Variants in EYS observed in about 807,000 individuals in gnomAD.
The protein encoded by EYS is EGF-like photoreceptor maintenance factor, also known as protein eyes shut homolog.
Under a neutral mutation model 282.1 loss-of-function variants are expected in EYS, and 250 were observed. The observed-to-expected ratio is 0.89, with a 90% CI of 0.80 to 0.98. The LOEUF is 0.98. Ranked by LOEUF, EYS falls within the 50% of genes least tolerant of loss-of-function variation. The pLI, the probability that EYS is intolerant of heterozygous loss-of-function variation, is 0.00. For missense variants in EYS, 4,016 were observed against 3,709.0 expected (o/e 1.08, Z -2.15); for synonymous variants, 1,355 against 1,282.9 (o/e 1.06, Z -1.20).
intron 22 of EYS, among the ~76,000 whole-genome samples, chr6:64,687,558 C>T (rs1009985948): frequency 6.6e-6 from 1 of 152,164 alleles, no homozygotes; most frequent in Non-Finnish European, 1.5e-5. Context: ...CCTTACATCC[C>T]AGGGATGAAG....
At chr6:63,803,514 G>A (rs1388885435) in intron 37 of EYS, among the ~76,000 whole-genome samples, 1 of 152,162 alleles carries the variant, frequency 6.6e-6, no homozygotes, top group African/African-American at 2.4e-5. Context: ...ATGCAGAACA[G>A]GCTGTCCATG....
chr6:64,112,584 T>C (rs1439123037), intron 31 of EYS, among the ~76,000 whole-genome samples: 1 of 151,762 alleles, frequency 6.6e-6, no homozygotes, highest in Non-Finnish European at 1.5e-5. Context: ...ACATTATACA[T>C]TGACAACCAG....
intron 12 of EYS, among the ~76,000 whole-genome samples, chr6:65,261,884 A>G (rs1406113618): frequency 6.6e-6 from 1 of 152,068 alleles, no homozygotes. Context: ...AGCTGTTCTG[A>G]AAGCACCACG....
chr6:64,070,984 C>T (rs1771552462), intron 32 of EYS, among the ~76,000 whole-genome samples: 2 of 151,972 alleles, frequency 1.3e-5, no homozygotes, highest in African/African-American at 4.8e-5. Context: ...TGGATACACT[C>T]GGAGTATCCC....
intron 35 of EYS, among the ~76,000 whole-genome samples, chr6:63,936,243 C>T (rs1481047110): frequency 1.3e-5 from 2 of 152,180 alleles, no homozygotes; most frequent in Admixed American, 6.5e-5. Context: ...AACCTGGATC[C>T]TGATTGCTGG....
chr6:64,392,218 G>A lies in EYS; in HGVS notation c.5928-3378C>T, dbSNP rs570494096. Reference sequence around the variant, plus strand: ...CACTGTCAACATTAGACAGATCAACGAGACAGAAAGTCAACACGGATACCC... The same window carrying A: ...CACTGTCAACATTAGACAGATCAACAAGACAGAAAGTCAACACGGATACCC... On this transcript the variant is annotated intron_variant, in intron 28 of 42. Coordinates refer to ENST00000503581, the MANE Select transcript of EYS (RefSeq NM_001142800.2). Among the ~76,000 whole-genome samples, 213 of 148,962 alleles carry A rather than the reference G, an allele frequency of 1.4e-3. 3 individuals carry two copies. Among genetic ancestry groups the A allele is most frequent in the African/African-American group, 4.9e-3 (194 of 39,842 alleles).
intron 1 of EYS, among the ~76,000 whole-genome samples, chr6:65,684,982 A>C (rs866392378): frequency 6.6e-6 from 1 of 152,062 alleles, no homozygotes; most frequent in Middle Eastern, 3.4e-3. Flanking sequence ...TATGAATGAA[A>C]ACAGGCAGCC....
chr6:64,585,227 A>G (rs1347486660), intron 26 of EYS, among the ~76,000 whole-genome samples: 1 of 152,138 alleles, frequency 6.6e-6, no homozygotes, highest in African/African-American at 2.4e-5. Flanking sequence ...ATAGGAAACC[A>G]AATACTAGAT....
At chr6:64,027,698 A>G (rs1769598328) in intron 33 of EYS, among the ~76,000 whole-genome samples, 1 of 152,210 alleles carries the variant, frequency 6.6e-6, no homozygotes, top group Non-Finnish European at 1.5e-5. Context: ...ATGAGAAACA[A>G]GCTGCCCCCC....
chr6:65,207,601 G>T (rs1766067325), intron 12 of EYS, among the ~76,000 whole-genome samples: 1 of 151,740 alleles, frequency 6.6e-6, no homozygotes, highest in Non-Finnish European at 1.5e-5. Flanking sequence ...CAAAGCCGGA[G>T]ACATCACATT....
intron 24 of EYS, among the ~76,000 whole-genome samples, chr6:64,612,511 AAATGATGTAAGT>A (rs1767144542): frequency 6.6e-6 from 1 of 152,108 alleles, no homozygotes; most frequent in African/African-American, 2.4e-5. Context: ...TTGAATTTCA[AAATGATGTAAGT>A]ACTTTAATCT....
At chr6:64,106,512 G>A (rs562570257) in intron 31 of EYS, among the ~76,000 whole-genome samples, 82 of 152,154 alleles carry the variant, frequency 5.4e-4, no homozygotes, top group Non-Finnish European at 9.6e-4. Context: ...GAGAAATCCA[G>A]TGCAATTCTT....
chr6:65,595,139 T>TA (rs1257651013), intron 2 of EYS, among the ~76,000 whole-genome samples: 5 of 151,824 alleles, frequency 3.3e-5, no homozygotes, highest in Non-Finnish European at 5.9e-5. Context: ...TATTCAGCCA[T>TA]AAAAAAACGA....
chr6:64,681,972 C>T (rs1769914283), intron 22 of EYS, among the ~76,000 whole-genome samples: 1 of 152,126 alleles, frequency 6.6e-6, no homozygotes. Flanking sequence ...GAAGCAAGAA[C>T]ACGCCGTGCC....
chr6:64,195,542 C>A (rs1361177093), intron 31 of EYS, among the ~76,000 whole-genome samples: 1 of 152,136 alleles, frequency 6.6e-6, no homozygotes, highest in Non-Finnish European at 1.5e-5. Context: ...ACCTTGTGAT[C>A]CGCCCCTCGA....
chr6:64,640,385 A>G (rs1245751491), intron 22 of EYS, among the ~76,000 whole-genome samples: 2 of 152,228 alleles, frequency 1.3e-5, no homozygotes, highest in South Asian at 2.1e-4. Flanking sequence ...AATACTATAT[A>G]CAGCCATAAA....
At chr6:64,454,233 C>A (rs143237168) in intron 26 of EYS, among the ~76,000 whole-genome samples, 1 of 152,116 alleles carries the variant, frequency 6.6e-6, no homozygotes, top group Non-Finnish European at 1.5e-5. Context: ...TTATCCTATT[C>A]CATTTGACAG....
chr6:65,301,646 T>C (rs549534237), intron 11 of EYS, among the ~76,000 whole-genome samples: 5 of 152,382 alleles, frequency 3.3e-5, no homozygotes, highest in Admixed American at 3.3e-4. Context: ...ACCGACCTTA[T>C]TCCGGTATCC....
intron 7 of EYS, among the ~76,000 whole-genome samples, chr6:65,395,681 A>C (rs989642799): frequency 2.0e-5 from 3 of 152,120 alleles, no homozygotes; most frequent in African/African-American, 7.2e-5. Context: ...CTGTTTGTAC[A>C]TATTTATGAG....
Sources: gnomAD v4.1 joint callset for allele counts (sites outside exome capture counted in the v4.1 genomes callset) on GRCh38, gnomAD v4.1.1 for gene constraint, MANE v1.5 for transcripts, NCBI Gene and HGNC (gene_info 2026-07-23, HGNC 2026-07-21) for gene names.